Variants in ELMO1 observed in about 807,000 individuals in gnomAD.
ELMO1 encodes the protein engulfment and cell motility protein 1.
In ELMO1, 26 loss-of-function variants were observed where a neutral mutation model predicts 98.9. That is an observed-to-expected ratio of 0.26 (90% confidence interval 0.19 to 0.36). ELMO1 has a LOEUF of 0.36. Among genes scored for constraint, ELMO1 ranks in the 10% least tolerant of loss-of-function variants. The pLI, the probability that ELMO1 is intolerant of heterozygous loss-of-function variation, is 1.00. For synonymous variants in ELMO1, 346 were observed against 346.0 expected (o/e 1.00, Z 0.00); for missense variants, 627 against 935.2 (o/e 0.67, Z 4.30).
intron 6 of ELMO1, among the ~76,000 whole-genome samples, chr7:37,254,727 T>C (rs1026448108): frequency 3.9e-5 from 6 of 152,198 alleles, no homozygotes; most frequent in Non-Finnish European, 8.8e-5. Context: ...ACCATTATAT[T>C]TGTGGTCCAT....
At chr7:37,029,408 T>TAA (rs35171050) in intron 15 of ELMO1, among the ~76,000 whole-genome samples, 4,995 of 147,786 alleles carry the variant, frequency 0.034, 292 homozygotes, top group African/African-American at 0.12. Flanking sequence ...CTGATTTCTT[T>TAA]AAAAAAAAAA....
At position 37,159,954 on chromosome 7, in the gene ELMO1, A is replaced by G. The variant is rs1789090963; in HGVS notation, c.1087-26720T>C. 3.9e-5 allele frequency among the ~76,000 whole-genome samples: 6 copies of G among 152,218 alleles called. No homozygotes were observed. In the South Asian group the frequency reaches 1.2e-3, roughly 31 times the overall value. ...TTTTCCCTTATGGCCAAAATATTTC[A>G]TAATGAAAATTTTAATTTAGACAAT... On this transcript the variant is annotated intron_variant, in intron 13 of 21. Transcript: ENST00000310758.
chr7:37,224,401 A>C (rs145400115), intron 9 of ELMO1, among the ~76,000 whole-genome samples: 3,413 of 152,358 alleles, frequency 0.022, 64 homozygotes, highest in Non-Finnish European at 0.034. Flanking sequence ...ACAAAAGAAG[A>C]AGCTCACTAG....
intron 13 of ELMO1, among the ~76,000 whole-genome samples, chr7:37,141,183 C>T (rs1301319404): frequency 6.6e-6 from 1 of 152,204 alleles, no homozygotes; most frequent in Non-Finnish European, 1.5e-5. Context: ...TATTTATATA[C>T]ACCATGGAAT....
intron 15 of ELMO1, among the ~76,000 whole-genome samples, chr7:37,064,541 G>A (rs1379238856): frequency 6.6e-6 from 1 of 152,182 alleles, no homozygotes; most frequent in Non-Finnish European, 1.5e-5. Context: ...CTGCCTCAGT[G>A]GTGTAGCTGT....
At chr7:37,256,457 T>C (rs73110813) in intron 6 of ELMO1, among the ~76,000 whole-genome samples, 1,792 of 149,394 alleles carry the variant, frequency 0.012, 37 homozygotes, top group African/African-American at 0.039. Context: ...TTTTCACTAG[T>C]ACCAACTGCA....
chr7:36,915,689 T>C (rs906156927), intron 16 of ELMO1, among the ~76,000 whole-genome samples: 2 of 152,196 alleles, frequency 1.3e-5, no homozygotes, highest in Non-Finnish European at 2.9e-5. Flanking sequence ...GGGTTTGTGT[T>C]GGCAATCCAA....
At chr7:36,970,788 C>T (rs1203606587) in intron 16 of ELMO1, among the ~76,000 whole-genome samples, 1 of 152,206 alleles carries the variant, frequency 6.6e-6, no homozygotes, top group Non-Finnish European at 1.5e-5. Context: ...TGTGGTTGTG[C>T]AATGTCAGAG....
At chr7:37,038,976 T>C (rs1795344649) in intron 15 of ELMO1, among the ~76,000 whole-genome samples, 1 of 152,172 alleles carries the variant, frequency 6.6e-6, no homozygotes, top group Non-Finnish European at 1.5e-5. Context: ...AATCTCCAAA[T>C]ACCTTCACAT....
intron 13 of ELMO1, among the ~76,000 whole-genome samples, chr7:37,165,461 T>C (rs1247810397): frequency 2.0e-5 from 3 of 152,104 alleles, no homozygotes; most frequent in African/African-American, 4.8e-5. Context: ...CAGTATGATA[T>C]TGGCTGTGGG....
intron 15 of ELMO1, among the ~76,000 whole-genome samples, chr7:37,088,458 G>C (rs1783897770): frequency 6.6e-6 from 1 of 152,184 alleles, no homozygotes; most frequent in Admixed American, 6.5e-5. Flanking sequence ...GCATATTCAA[G>C]TTAATTTATT....
rs572574199 is a variant in ELMO1, at chr7:37,328,417, G to C, written c.79-12457C>G. Among the ~76,000 whole-genome samples the C allele has an allele frequency of 6.3e-5, 8 of 127,968 alleles. No homozygotes were observed. The South Asian group carries it at 2.1e-3, about 34-fold the overall frequency. 84.0% of individuals were successfully genotyped at this position (127,968 alleles called of 152,430 possible). A position where few individuals can be genotyped will look rare whatever the true frequency, so the allele number is the denominator to read the frequency against. On this transcript the variant is annotated intron_variant, in intron 2 of 21. Transcript: ENST00000310758. ...AAAAAAAAAAAAAAAAAGATGCTGT[G>C]TAACTTGCTCAAAGCCTCACAGCAC...
intron 7 of ELMO1, among the ~76,000 whole-genome samples, chr7:37,242,831 A>G (rs985676421): frequency 6.6e-6 from 1 of 152,158 alleles, no homozygotes; most frequent in African/African-American, 2.4e-5. Flanking sequence ...ACATCTTCTT[A>G]GTAACTTACT....
At chr7:37,086,330 C>CTGTGTGTGTGTGTGTGTGTG in intron 15 of ELMO1, among the ~76,000 whole-genome samples, 2 of 143,182 alleles carry the variant, frequency 1.4e-5, no homozygotes, top group East Asian at 4.1e-4. Context: ...CAATACATGA[C>CTGTGTGTGTGTGTGTGTGTG]TGTGTGTGTG....
chr7:36,962,888 G>T (rs1412177352), intron 16 of ELMO1, among the ~76,000 whole-genome samples: 1 of 151,914 alleles, frequency 6.6e-6, no homozygotes, highest in Non-Finnish European at 1.5e-5. Flanking sequence ...TATTAGAAAA[G>T]TATTAAAGAA....
chr7:37,255,878 ACT>A (rs72432341), intron 6 of ELMO1, among the ~76,000 whole-genome samples: 18,521 of 151,984 alleles, frequency 0.12, 1,246 homozygotes, highest in Admixed American at 0.19. Context: ...CCCAGGCCCC[ACT>A]CTCTCACCAG....
chr7:36,976,960 C>T (rs961930651), intron 16 of ELMO1, among the ~76,000 whole-genome samples: 15 of 152,286 alleles, frequency 9.8e-5, no homozygotes, highest in African/African-American at 3.4e-4. Context: ...TCAGTAAAAA[C>T]GTGGGCTTGG....
intron 1 of ELMO1, among the ~76,000 whole-genome samples, chr7:37,379,078 C>T (rs1008781078): frequency 6.6e-6 from 1 of 151,798 alleles, no homozygotes; most frequent in Admixed American, 6.6e-5. Context: ...CTAGCTCTGT[C>T]GCCCAGGCTG....
chr7:37,271,243 T>C (rs1562570571), intron 5 of ELMO1: 1 of 153,030 alleles, frequency 6.5e-6, no homozygotes, highest in African/African-American at 2.4e-5. Context: ...CCAGCCACAC[T>C]GACTTTAAAG....
Sources: gnomAD v4.1 joint callset for allele counts (sites outside exome capture counted in the v4.1 genomes callset) on GRCh38, gnomAD v4.1.1 for gene constraint, MANE v1.5 for transcripts, NCBI Gene and HGNC (gene_info 2026-07-23, HGNC 2026-07-21) for gene names.